Variants in GRM4 observed in about 807,000 individuals in gnomAD.
GRM4 encodes metabotropic glutamate receptor 4.
In GRM4, 28 loss-of-function variants were observed where a neutral mutation model predicts 81.7. That is an observed-to-expected ratio of 0.34 (90% CI 0.25 to 0.47). The LOEUF (loss-of-function observed/expected upper bound fraction) is 0.47. Ranked by LOEUF, GRM4 falls within the 20% of genes least tolerant of loss-of-function variation. The pLI is 1.00. For synonymous variants in GRM4, 488 were observed against 528.8 expected (o/e 0.92, Z 1.06); for missense variants, 948 against 1,290.0 (o/e 0.73, Z 4.06).
upstream of GRM4, among the ~76,000 whole-genome samples, chr6:34,149,394 T>C (rs376054291): frequency 4.6e-5 from 7 of 152,298 alleles, no homozygotes; most frequent in South Asian, 2.1e-4. Flanking sequence ...GGGGAGTCTG[T>C]TTAAACAATA....
chr6:34,092,016 C>G lies in GRM4; in HGVS notation c.603G>C (p.Ser201=). The G allele has an allele frequency of 1.9e-6, 3 of 1,614,058 alleles. No individual in the cohort carries two copies. The highest frequency in any genetic ancestry group is 2.5e-6 in the Non-Finnish European group (3 of 1,179,912). The change falls in exon 3 of 11, where the codon TCG becomes TCC. Residue 201 remains serine, a synonymous_variant. Coordinates refer to ENST00000538487, the MANE Select transcript of GRM4 (RefSeq NM_000841.4). The surrounding 1 kb of genome is among the most constrained non-coding windows in gnomAD (Gnocchi z 6.8). ...RYDFFSRVVP[S]DTYQAQAMVD... is the part of the protein sequence containing the mutation. Reference sequence around the variant, plus strand: ...CCATGGCCTGGGCCTGGTACGTGTCCGAGGGCACCACGCGGGAGAAGAAGT... The same window carrying G: ...CCATGGCCTGGGCCTGGTACGTGTCGGAGGGCACCACGCGGGAGAAGAAGT...
At position 34,130,941 on chromosome 6, in the gene GRM4, C is replaced by A. The variant is rs1359805371; in HGVS notation, c.519+2037G>T. 1.3e-5 allele frequency among the ~76,000 whole-genome samples: 2 copies of A among 152,256 alleles called. No homozygotes were observed. Among genetic ancestry groups the A allele is most frequent in the African/African-American group, 4.8e-5 (2 of 41,474 alleles). ...CCTTCCTGGAGGCTGGGGATCTGTG[C>A]CCCACCCTGCCAGGCTGACAAGGAG... On this transcript the variant is annotated intron_variant, in intron 2 of 10. Coordinates refer to ENST00000538487, the MANE Select transcript of GRM4 (RefSeq NM_000841.4). This position sits in a 1 kb window ranked among gnomAD's most constrained non-coding sequence, Gnocchi z 4.1.
At position 34,092,545 on chromosome 6, in the gene GRM4, C is replaced by T. The variant is rs1410715550; in HGVS notation, c.520-446G>A. ...CTGGTCAGGACCCAGCAGACCCTGTCCCCACAGCTCTCTGCCAGCTCAGCC... is the reference window on the plus strand; with the variant it reads ...CTGGTCAGGACCCAGCAGACCCTGTTCCCACAGCTCTCTGCCAGCTCAGCC... On this transcript the variant is annotated intron_variant, in intron 2 of 10. Transcript: ENST00000538487. The surrounding 1 kb of genome is among the most constrained non-coding windows in gnomAD (Gnocchi z 6.8). 6.6e-6 allele frequency among the ~76,000 whole-genome samples: 1 copy of T among 151,964 alleles called. No homozygotes were observed. The highest frequency in any genetic ancestry group is 2.4e-5 in the African/African-American group (1 of 41,370).
intron 2 of GRM4, among the ~76,000 whole-genome samples, chr6:34,122,637 C>T (rs535973719): frequency 1.2e-4 from 18 of 152,042 alleles, no homozygotes; most frequent in Admixed American, 4.6e-4. Flanking sequence ...GGGCAGCTAA[C>T]CCTGCAGACT....
chr6:34,045,753 G>A (rs1238527968), intron 6 of GRM4, among the ~76,000 whole-genome samples: 1 of 152,182 alleles, frequency 6.6e-6, no homozygotes, highest in Non-Finnish European at 1.5e-5. Flanking sequence ...GGAACCCCAG[G>A]ACCAGGCAGG....
chr6:34,087,630 G>A (rs2127483358), intron 3 of GRM4, among the ~76,000 whole-genome samples: 1 of 151,588 alleles, frequency 6.6e-6, no homozygotes, highest in African/African-American at 2.4e-5. Flanking sequence ...TGCAGCCTCA[G>A]CCTTGACAGG....
At chr6:34,039,141 T>C (rs1764870072) in intron 8 of GRM4, among the ~76,000 whole-genome samples, 1 of 152,158 alleles carries the variant, frequency 6.6e-6, no homozygotes, top group Non-Finnish European at 1.5e-5. Flanking sequence ...AGGAGCCTCA[T>C]TTAGGAACAG....
Position 34,048,423 on chromosome 6 carries a change from C to T in GRM4, c.1169-7675G>A, listed in dbSNP as rs1765456727. ...AGGCCAACACACCTCGGCTGAGGAG[C>T]TGGGGCTCAGCTCTCCCACACAGGA... On this transcript the variant is annotated intron_variant, in intron 6 of 10. Coordinates refer to ENST00000538487, the MANE Select transcript of GRM4 (RefSeq NM_000841.4). The surrounding 1 kb of genome is among the most constrained non-coding windows in gnomAD (Gnocchi z 4.0). 2.1e-5 allele frequency among the ~76,000 whole-genome samples: 3 copies of T among 143,944 alleles called. No homozygotes were observed. The South Asian group carries it at 7.7e-4, about 37-fold the overall frequency. 94.4% of individuals were successfully genotyped at this position (143,944 alleles called of 152,430 possible). A position where few individuals can be genotyped will look rare whatever the true frequency, so the allele number is the denominator to read the frequency against.
At position 34,152,481 on chromosome 6, in the gene GRM4, A is replaced by G. The variant is rs1359303338; in HGVS notation, c.312+2598T>C. ...AACATGAGCTACAGGGGTGGGGAGGATTCTGCTCCCCTCGAAGGAGGCAGC... is the reference window on the plus strand; with the variant it reads ...AACATGAGCTACAGGGGTGGGGAGGGTTCTGCTCCCCTCGAAGGAGGCAGC... On this transcript the variant is annotated intron_variant, in intron 1 of 8. Coordinates refer to the GRM4 transcript ENST00000374177. The surrounding 1 kb of genome is among the most constrained non-coding windows in gnomAD (Gnocchi z 4.1). Among the ~76,000 whole-genome samples, 5 of 152,142 alleles carry G rather than the reference A, an allele frequency of 3.3e-5. No individual in the cohort carries two copies. The highest frequency in any genetic ancestry group is 3.3e-4 in the Admixed American group (5 of 15,294).
chr6:34,039,428 C>T (rs557723354), intron 8 of GRM4, among the ~76,000 whole-genome samples: 2 of 152,254 alleles, frequency 1.3e-5, no homozygotes, highest in South Asian at 2.1e-4. Flanking sequence ...AGTCTATCCA[C>T]GGGGTCACAG....
chr6:34,045,291 ACT>A (rs761583003), intron 6 of GRM4, among the ~76,000 whole-genome samples: 28 of 152,292 alleles, frequency 1.8e-4, no homozygotes, highest in Non-Finnish European at 3.4e-4. Flanking sequence ...TCAGCAGGTG[ACT>A]CTGCAGCCGT....
At position 34,114,963 on chromosome 6, in the gene GRM4, G is replaced by A. The variant is rs765633709; in HGVS notation, c.519+18015C>T. Among the ~76,000 whole-genome samples the A allele has an allele frequency of 8.5e-4, 129 of 152,322 alleles. No individual in the cohort carries two copies. The highest frequency in any genetic ancestry group is 1.4e-3 in the Non-Finnish European group (97 of 68,034). The stretch of plus-strand genomic sequence containing the variant: ...ATCCATTCAAAACACAGCCCAGGAA[G>A]CATGTCCATTAAGAGAAGCCTTTCC... On this transcript the variant is annotated intron_variant, in intron 2 of 10. Coordinates refer to ENST00000538487, the MANE Select transcript of GRM4 (RefSeq NM_000841.4). The surrounding 1 kb of genome is among the most constrained non-coding windows in gnomAD (Gnocchi z 4.3).
intron 1 of GRM4, among the ~76,000 whole-genome samples, chr6:34,145,276 G>A (rs1420638345): frequency 1.3e-5 from 2 of 151,796 alleles, no homozygotes; most frequent in East Asian, 1.9e-4. Context: ...CAGCAGGGAT[G>A]AGCTGGCGGC....
chr6:34,037,223 G>C (rs996614274), intron 8 of GRM4, among the ~76,000 whole-genome samples: 1 of 152,224 alleles, frequency 6.6e-6, no homozygotes, highest in Non-Finnish European at 1.5e-5. Flanking sequence ...GTGCTCAGGG[G>C]TTAGCATTTC....
intron 3 of GRM4, among the ~76,000 whole-genome samples, chr6:34,072,611 CA>C (rs1766989546): frequency 6.9e-6 from 1 of 145,332 alleles, no homozygotes; most frequent in African/African-American, 2.5e-5. Context: ...CACACACACA[CA>C]CACACATCAC....
At chr6:34,098,847 T>C (rs2451348) in intron 2 of GRM4, among the ~76,000 whole-genome samples, 141,164 of 152,250 alleles carry the variant, frequency 0.93, 65,540 homozygotes, top group African/African-American at 0.97. Flanking sequence ...CAGCCTCCCC[T>C]ACAGCGCCTT....
chr6:34,076,451 G>T (rs938520163), intron 3 of GRM4, among the ~76,000 whole-genome samples: 2 of 102,468 alleles, frequency 2.0e-5, no homozygotes, highest in African/African-American at 1.1e-4. Context: ...ACAGAAAACC[G>T]GGGGGCTGGG....
intron 1 of GRM4, among the ~76,000 whole-genome samples, chr6:34,134,663 TCCTC>T (rs59146326): frequency 0.081 from 12,160 of 150,900 alleles, 930 homozygotes; most frequent in African/African-American, 0.2. Flanking sequence ...AGCTTGCACA[TCCTC>T]CCTCCCTCCC....
chr6:34,132,013 C>A (rs927810985), intron 2 of GRM4, among the ~76,000 whole-genome samples: 6 of 152,140 alleles, frequency 3.9e-5, no homozygotes, highest in African/African-American at 1.4e-4. Context: ...AGACAGGCTC[C>A]AAGAGAGAAA....
Sources: allele counts gnomAD v4.1 joint callset (sites outside exome capture counted in the v4.1 genomes callset), GRCh38; gene constraint gnomAD v4.1.1; non-coding constraint Gnocchi (gnomAD v3.1); transcripts MANE v1.5; gene names NCBI Gene and HGNC (gene_info 2026-07-23, HGNC 2026-07-21).